Variants in LY9 observed in about 807,000 individuals in gnomAD.
LY9 encodes T-lymphocyte surface antigen Ly-9.
In LY9, 59 loss-of-function variants were observed where a neutral mutation model predicts 64.6. The ratio of observed to expected loss-of-function variants is 0.91; its 90% CI spans 0.74 to 1.13. LY9 has a LOEUF of 1.13. Among genes scored for constraint, LY9 ranks in the 50% most tolerant of loss-of-function variants. The probability of loss-of-function intolerance (pLI) is 0.00; values close to 1 mark genes in which losing one functional copy is unlikely to be tolerated. For synonymous variants in LY9, 281 were observed against 308.5 expected (o/e 0.91, Z 0.93); for missense variants, 789 against 797.2 (o/e 0.99, Z 0.12).
chr1:160,804,015 A>C (rs1666745412), intron 2 of LY9, among the ~76,000 whole-genome samples: 1 of 152,216 alleles, frequency 6.6e-6, no homozygotes, highest in Non-Finnish European at 1.5e-5. Context: ...GTCTCAAAAA[A>C]AAAATTACAT....
At chr1:160,823,164 T>A (rs1268786408) in intron 7 of LY9, among the ~76,000 whole-genome samples, 1 of 152,226 alleles carries the variant, frequency 6.6e-6, no homozygotes, top group Non-Finnish European at 1.5e-5. Context: ...TTTACCTTTG[T>A]GTTTCCCCAG....
At chr1:160,816,961 G>A (rs1668009585) in intron 5 of LY9, 98 bp downstream of exon 5, 3 of 1,237,460 alleles carry the variant, frequency 2.4e-6, no homozygotes, top group Non-Finnish European at 1.2e-6. Flanking sequence ...AAGAGGCTGT[G>A]GGTGAGAGCC....
chr1:160,809,527 A>G (rs1393214769), intron 2 of LY9, among the ~76,000 whole-genome samples: 2 of 151,696 alleles, frequency 1.3e-5, no homozygotes, highest in African/African-American at 4.8e-5. Flanking sequence ...ATTTTTATTT[A>G]TTATTATTTT....
In LY9 at chr1:160,799,809, G is replaced by C. The variant is rs1387156155; in HGVS notation, c.181G>C (p.Gly61Arg). 8.7e-6 allele frequency: 14 copies of C among 1,613,978 alleles called. No individual in the cohort carries two copies. In the Admixed American group the frequency reaches 1.2e-4, roughly 13 times the overall value. ...AACAGTGGTGTCAGGGATCCTAGGGGGTTCCGTGACTCTCCCCCTAAACAT... is the reference window on the plus strand; with the variant it reads ...AACAGTGGTGTCAGGGATCCTAGGGCGTTCCGTGACTCTCCCCCTAAACAT... ...APTVVSGILG[G>R]SVTLPLNISV... The change falls in exon 2 of 10, where the codon GGT becomes CGT. Residue 61 changes from glycine (G) to arginine (R), a missense_variant. Gly to Arg is a moderately radical substitution (Grantham distance 125, BLOSUM62 -2). Coordinates refer to ENST00000263285, the MANE Select transcript of LY9 (RefSeq NM_002348.4).
Position 160,824,210 on chromosome 1 carries a change from G to C in LY9, c.1860G>C (p.Glu620Asp), listed in dbSNP as rs761006278. The stretch of plus-strand genomic sequence containing the variant: ...AGACCCCAGTTTCTCAGAAGGAAGA[G>C]AGCTCAGCCACAATCTACTGCTCCA... ...QGKTPVSQKE[E>D]SSATIYCSIR... The change falls in exon 9 of 10, where the codon GAG becomes GAC. Residue 620 changes from glutamate (E) to aspartate (D), a missense_variant. Transcript: ENST00000263285. The C allele has an allele frequency of 3.7e-6, 6 of 1,614,200 alleles. No homozygotes were observed. In the East Asian group the frequency reaches 1.3e-4, roughly 36 times the overall value.
At chr1:160,804,911 A>C (rs982578575) in intron 2 of LY9, among the ~76,000 whole-genome samples, 4 of 151,520 alleles carry the variant, frequency 2.6e-5, no homozygotes, top group Non-Finnish European at 5.9e-5. Context: ...GGTCTTTTGG[A>C]TTTTGGTCTT....
intron 7 of LY9, among the ~76,000 whole-genome samples, chr1:160,819,809 CAGAA>C (rs1668249810): frequency 4.1e-5 from 2 of 48,358 alleles, no homozygotes; most frequent in Admixed American, 3.2e-4. Flanking sequence ...AAAAAAAAAA[CAGAA>C]AGAGAAAGAA....
intron 1 of LY9, among the ~76,000 whole-genome samples, chr1:160,797,592 C>T (rs147012096): frequency 6.6e-6 from 1 of 152,286 alleles, no homozygotes; most frequent in Non-Finnish European, 1.5e-5. Flanking sequence ...AGCAAAGAGG[C>T]ATCTCCATTG....
intron 2 of LY9, chr1:160,813,409 A>G: frequency 1.8e-6 from 1 of 571,340 alleles, no homozygotes; most frequent in South Asian, 2.3e-5. Flanking sequence ...GAGAGAAGTA[A>G]TCAGACTATT....
intron 2 of LY9, among the ~76,000 whole-genome samples, chr1:160,805,460 A>G (rs1666884803): frequency 1.3e-5 from 2 of 152,110 alleles, no homozygotes; most frequent in Admixed American, 1.3e-4. Context: ...TTGAAAAGAT[A>G]TTTGATATGA....
At chr1:160,817,915 T>C (rs2271967) in intron 5 of LY9, among the ~76,000 whole-genome samples, 30,390 of 152,016 alleles carry the variant, frequency 0.2, 3,652 homozygotes, top group East Asian at 0.33. Flanking sequence ...GGCAGTGTAA[T>C]GTGGCGATTA....
chr1:160,826,814 A>C (rs1378642480), intron 9 of LY9, among the ~76,000 whole-genome samples: 1 of 152,066 alleles, frequency 6.6e-6, no homozygotes, highest in Admixed American at 6.5e-5. Flanking sequence ...TTGCCTTGGA[A>C]CCTAAGGCCA....
rs1005096865 is a variant in LY9 at position 160,816,935 on chromosome 1, C to T, written c.1342+72C>T. On this transcript the variant is annotated intron_variant, in intron 5 of 9. Transcript: ENST00000263285. ...CCAAGAGTTTGCATCCTGACTGATT[C>T]TTTATGAAGTGCAGTAAGAGGCTGT... is the stretch of plus-strand genomic sequence containing the variant. 34 of 1,494,516 alleles carry T rather than the reference C, an allele frequency of 2.3e-5. No individual in the cohort carries two copies. In the Admixed American group the frequency reaches 3.1e-4, roughly 14 times the overall value. 92.6% of individuals were successfully genotyped at this position (1,494,516 alleles called of 1,614,324 possible).
At chr1:160,817,013 A>G in intron 5 of LY9, 150 bp downstream of exon 5, 1 of 680,400 alleles carries the variant, frequency 1.5e-6, no homozygotes, top group Non-Finnish European at 2.5e-6. Context: ...AGAGTCACGC[A>G]TGTGATTTTA....
chr1:160,816,276 G>T (rs998149348), intron 4 of LY9, among the ~76,000 whole-genome samples: 2 of 152,174 alleles, frequency 1.3e-5, no homozygotes, highest in Non-Finnish European at 2.9e-5. Context: ...TGGAAGTGTT[G>T]CGCTCATCTG....
intron 8 of LY9, among the ~76,000 whole-genome samples, 168 bp downstream of exon 8, chr1:160,823,964 T>C (rs1390211985): frequency 2.0e-5 from 3 of 152,182 alleles, no homozygotes; most frequent in African/African-American, 7.2e-5. Flanking sequence ...CTTGGGATCC[T>C]GTGGAACGAG....
At position 160,819,022 on chromosome 1, in the gene LY9, TG is replaced by T. The variant is rs531015318; in HGVS notation, c.1445-297del. Among the ~76,000 whole-genome samples the T allele has an allele frequency of 2.8e-4, 42 of 152,268 alleles. No individual in the cohort carries two copies. The South Asian group carries it at 8.5e-3, about 31-fold the overall frequency. Reference sequence around the variant, plus strand: ...GAATGGGTAGAACACATGGGGTCCCTGGAAGAATTACTGAATTGCAGGCAAA... The same window carrying T: ...GAATGGGTAGAACACATGGGGTCCCTGAAGAATTACTGAATTGCAGGCAAA... On this transcript the variant is annotated intron_variant, in intron 6 of 9. Transcript: ENST00000263285.
rs577935298 is a variant in LY9, at chr1:160,816,834, A to G, written c.1313A>G (p.His438Arg). Residue 438 changes from histidine (H) to arginine (R), a missense_variant, in exon 5 of 10, where the codon CAC (histidine) becomes CGC (arginine). By Grantham distance (29) the His-to-Arg change is conservative. Transcript: ENST00000263285. ...TASNPVSRSSHQFLSENICSG... is the reference protein window; with the variant it reads ...TASNPVSRSSRQFLSENICSG... ...AGCAACCCTGTCAGCAGGAGTTCCC[A>G]CCAGTTTCTTTCTGAGAACATCTGT... The G allele has an allele frequency of 5.6e-6, 9 of 1,614,198 alleles. No individual in the cohort carries two copies. Among genetic ancestry groups the G allele is most frequent in the African/African-American group, 4.0e-5 (3 of 75,048 alleles).
intron 6 of LY9, 50 bp downstream of exon 6, chr1:160,818,369 G>A (rs758094293): frequency 4.1e-5 from 58 of 1,398,718 alleles, no homozygotes; most frequent in Non-Finnish European, 5.9e-5. Context: ...CATTTCCCTG[G>A]GACTTGTGGA....
Sources: gnomAD v4.1 joint callset for allele counts (sites outside exome capture counted in the v4.1 genomes callset) on GRCh38, gnomAD v4.1.1 for gene constraint, MANE v1.5 for transcripts, NCBI Gene and HGNC (gene_info 2026-07-23, HGNC 2026-07-21) for gene names.